GATAD1: variants seen among roughly 807,000 people sequenced by gnomAD.
The protein encoded by GATAD1 is GATA zinc finger domain containing 1.
Under a neutral mutation model 26.5 loss-of-function variants are expected in GATAD1, and 12 were observed. The observed-to-expected ratio is 0.45, with a 90% CI of 0.29 to 0.73. The LOEUF is 0.73. Ranked by LOEUF, GATAD1 falls within the 30% of genes least tolerant of loss-of-function variation. GATAD1 has a pLI of 0.10. For missense variants in GATAD1, 266 were observed against 342.1 expected, an observed-to-expected ratio of 0.78 and a Z score of 1.75; for synonymous variants, 129 against 133.1, an observed-to-expected ratio of 0.97 and a Z score of 0.21.
the GATAD1 span, among the ~76,000 whole-genome samples, chr7:92,492,262 C>T: frequency 1.3e-5 from 2 of 152,098 alleles, no homozygotes; most frequent in Non-Finnish European, 2.9e-5. Context: ...CTGCCACAGC[C>T]TCTCCCAAGA....
chr7:92,447,520 ATCCTGGCCTCCGCCT>A lies in GATAD1; in HGVS notation c.-209_-195del, dbSNP rs1789196036. 1 of 437,644 alleles carries A rather than the reference ATCCTGGCCTCCGCCT, an allele frequency of 2.3e-6. No individual in the cohort carries two copies. The highest frequency in any genetic ancestry group is 3.7e-6 in the Non-Finnish European group (1 of 270,228). The allele number at this position is 437,644 out of a possible 1,614,324, so 27.1% of individuals were successfully genotyped here. ...GCTTCCCAGTGCCTCGGGCCAGGGAATCCTGGCCTCCGCCTGCGGAGCCGGCGGAACCCGCTTCCC... is the reference window on the plus strand; with the variant it reads ...GCTTCCCAGTGCCTCGGGCCAGGGAAGCGGAGCCGGCGGAACCCGCTTCCC... On this transcript the variant is annotated 5_prime_UTR_variant, in exon 1 of 5. Transcript: ENST00000287957.
At chr7:92,487,507 T>A in the GATAD1 span, 1 of 1,593,898 alleles carries the variant, frequency 6.3e-7, no homozygotes, top group African/African-American at 1.3e-5. Context: ...CCACTTTGAT[T>A]TTTTCTCCTC....
chr7:92,493,250 A>G, the GATAD1 span: 2 of 596,442 alleles, frequency 3.4e-6, no homozygotes. Context: ...TTTATAAGTA[A>G]GTTGAGAAAT....
chr7:92,462,301 G>A (rs1323989190), downstream of GATAD1, among the ~76,000 whole-genome samples: 1 of 149,354 alleles, frequency 6.7e-6, no homozygotes, highest in Non-Finnish European at 1.5e-5. Context: ...TTTTAATAAC[G>A]CAAAAAAAAG....
rs533046396 is a variant in GATAD1 at position 92,455,554 on chromosome 7, TCA to T, written c.620-815_620-814del. Among the ~76,000 whole-genome samples the T allele has an allele frequency of 2.9e-4, 44 of 152,334 alleles. No individual in the cohort carries two copies. In the East Asian group the frequency reaches 8.1e-3, roughly 28 times the overall value. ...CTGCCAAAACAGTTGTGAGATAGACTCACAAGAATTTACTGATTAATACAATT... is the reference window on the plus strand; with the variant it reads ...CTGCCAAAACAGTTGTGAGATAGACTCAAGAATTTACTGATTAATACAATT... On this transcript the variant is annotated intron_variant, in intron 4 of 4. Transcript: ENST00000287957.
chr7:92,487,468 T>G, the GATAD1 span: 1 of 1,575,940 alleles, frequency 6.3e-7, no homozygotes, highest in Admixed American at 1.7e-5. Context: ...TATGCTAAAG[T>G]TACTTTCTGT....
rs958271244 is a variant in GATAD1, at chr7:92,457,819, A to G, written c.*1257A>G. 6.6e-6 allele frequency: 1 copy of G among 152,174 alleles called. No homozygotes were observed. Among genetic ancestry groups the G allele is most frequent in the African/African-American group, 2.4e-5 (1 of 41,450 alleles). 9.4% of individuals were successfully genotyped at this position (152,174 alleles called of 1,614,324 possible). On this transcript the variant is annotated 3_prime_UTR_variant, in exon 5 of 5. Transcript: ENST00000287957. ...CCATAAGAAAAATGATTGGTGGATG[A>G]TTTTATTAGCCCAGGCTTTTAAAAA...
the GATAD1 span, chr7:92,470,450 G>A: frequency 9.6e-6 from 6 of 621,834 alleles, no homozygotes; most frequent in Non-Finnish European, 1.7e-5. Flanking sequence ...TCCTCTAGAG[G>A]TTCACAGGAA....
the GATAD1 span, among the ~76,000 whole-genome samples, chr7:92,486,548 C>T: frequency 0.8 from 122,267 of 152,022 alleles, 49,380 homozygotes; most frequent in South Asian, 0.87. Flanking sequence ...GTCTTTGTTT[C>T]TATCCCCTGG....
the GATAD1 span, chr7:92,468,267 T>G: frequency 1.2e-5 from 2 of 167,322 alleles, no homozygotes. Flanking sequence ...GCGGACACCC[T>G]GCATGATCCA....
the GATAD1 span, among the ~76,000 whole-genome samples, chr7:92,466,321 C>G: frequency 2.0e-5 from 3 of 152,042 alleles, no homozygotes; most frequent in Non-Finnish European, 4.4e-5. Flanking sequence ...TGTGCACTAC[C>G]ATGCCCAGCT....
Position 92,454,532 on chromosome 7 carries a change from T to A in GATAD1, c.466T>A (p.Ser156Thr). The change falls in exon 4 of 5, where the codon TCT becomes ACT. Residue 156 changes from serine to threonine, a missense_variant. Ser to Thr is a moderately conservative substitution (Grantham distance 58, BLOSUM62 1). Coordinates refer to ENST00000287957, the MANE Select transcript of GATAD1 (RefSeq NM_021167.5). Reference protein sequence around the residue: ...GVYYQIGDVVSVIDEQDGKPY... With the variant: ...GVYYQIGDVVTVIDEQDGKPY... The stretch of plus-strand genomic sequence containing the variant: ...ATATTACCAAATTGGTGATGTTGTT[T>A]CTGTGATTGATGAACAAGATGGAAA... 1 of 1,612,752 alleles carries A rather than the reference T, an allele frequency of 6.2e-7. No individual in the cohort carries two copies. The highest frequency in any genetic ancestry group is 8.5e-7 in the Non-Finnish European group (1 of 1,178,782).
chr7:92,454,474 A>T (rs764819654), intron 3 of GATAD1, 28 bp from the exon 4 acceptor site: 24 of 1,536,078 alleles, frequency 1.6e-5, no homozygotes, highest in Non-Finnish European at 2.1e-5. Flanking sequence ...TTTATTTTCA[A>T]TGTGGGATTA....
the GATAD1 span, chr7:92,494,700 TATG>T: frequency 2.5e-6 from 3 of 1,185,856 alleles, no homozygotes; most frequent in African/African-American, 4.6e-5. Flanking sequence ...CATATACATA[TATG>T]AATGTATTTA....
In GATAD1 at chr7:92,447,498, T is replaced by A. The variant is rs1361206853; in HGVS notation, c.-232T>A. The A allele has an allele frequency of 5.6e-6, 2 of 358,084 alleles. No homozygotes were observed. The highest frequency in any genetic ancestry group is 9.7e-6 in the Non-Finnish European group (2 of 205,670). 22.2% of individuals were successfully genotyped at this position (358,084 alleles called of 1,614,324 possible). On this transcript the variant is annotated 5_prime_UTR_variant, in exon 1 of 5. Transcript: ENST00000287957. Reference sequence around the variant, plus strand: ...GCCAGATCCCTTTCCCAGTCCTGCTTCCCAGTGCCTCGGGCCAGGGAATCC... The same window carrying A: ...GCCAGATCCCTTTCCCAGTCCTGCTACCCAGTGCCTCGGGCCAGGGAATCC...
chr7:92,478,268 C>T, the GATAD1 span, among the ~76,000 whole-genome samples: 1 of 152,196 alleles, frequency 6.6e-6, no homozygotes, highest in Non-Finnish European at 1.5e-5. Context: ...GGACTTCTGT[C>T]TATGTTCACT....
the GATAD1 span, chr7:92,471,663 G>A: frequency 6.6e-6 from 1 of 152,244 alleles, no homozygotes; most frequent in Non-Finnish European, 1.5e-5. Flanking sequence ...TTCAATATCT[G>A]CTTGGCAGTT....
intron 2 of GATAD1, 140 bp from the exon 3 acceptor site, chr7:92,450,561 A>G: frequency 1.8e-6 from 1 of 568,382 alleles, no homozygotes; most frequent in Middle Eastern, 3.1e-4. Flanking sequence ...TCAGAAAATC[A>G]TTTATCTTTT....
chr7:92,490,129 T>A, the GATAD1 span: 9 of 580,008 alleles, frequency 1.6e-5, no homozygotes, highest in South Asian at 1.9e-4. Context: ...AAGTGAAAAT[T>A]GCCATAACAC....
Sources: allele counts gnomAD v4.1 joint callset (sites outside exome capture counted in the v4.1 genomes callset), GRCh38; gene constraint gnomAD v4.1.1; transcripts MANE v1.5; gene names NCBI Gene and HGNC (gene_info 2026-07-23, HGNC 2026-07-21).